The following ADAMTS3 variants were observed in gnomAD, a reference collection of about 807,000 sequenced individuals.
The protein encoded by ADAMTS3 is A disintegrin and metalloproteinase with thrombospondin motifs 3.
Under a neutral mutation model 129.0 loss-of-function variants are expected in ADAMTS3, and 73 were observed. That is an observed-to-expected ratio of 0.57 (90% CI 0.47 to 0.69). The LOEUF is 0.69. Among genes scored for constraint, ADAMTS3 ranks in the 30% least tolerant of loss-of-function variants. The probability of loss-of-function intolerance (pLI) is 0.00; values close to 1 mark genes in which losing one functional copy is unlikely to be tolerated. For missense variants in ADAMTS3, 1,457 were observed against 1,514.5 expected (o/e 0.96, Z 0.63); for synonymous variants, 477 against 510.8 (o/e 0.93, Z 0.89).
chr4:72,427,981 T>A (rs940035368), intron 3 of ADAMTS3, among the ~76,000 whole-genome samples: 1 of 152,034 alleles, frequency 6.6e-6, no homozygotes. Context: ...TTTAAAAAAA[T>A]GAAATTAAGC....
chr4:72,371,298 T>C (rs1578622831), intron 4 of ADAMTS3, among the ~76,000 whole-genome samples: 1 of 151,926 alleles, frequency 6.6e-6, no homozygotes, highest in East Asian at 1.9e-4. Context: ...TGATTATATA[T>C]TTGAATTAAA....
chr4:72,385,693 T>G (rs928744030), intron 4 of ADAMTS3, among the ~76,000 whole-genome samples: 1 of 152,096 alleles, frequency 6.6e-6, no homozygotes, highest in African/African-American at 2.4e-5. Context: ...AAAGTAGGCC[T>G]CAAGGAAAAG....
At chr4:72,396,963 C>G (rs1721741181) in intron 4 of ADAMTS3, among the ~76,000 whole-genome samples, 1 of 152,002 alleles carries the variant, frequency 6.6e-6, no homozygotes, top group Admixed American at 6.6e-5. Flanking sequence ...AAATGTCTGC[C>G]CTGATTCTTA....
At chr4:72,430,551 C>G (rs1208546674) in intron 3 of ADAMTS3, among the ~76,000 whole-genome samples, 3 of 151,984 alleles carry the variant, frequency 2.0e-5, no homozygotes, top group Non-Finnish European at 4.4e-5. Context: ...CCCAGACTTT[C>G]TGAAGCAAAG....
intron 3 of ADAMTS3, among the ~76,000 whole-genome samples, chr4:72,514,613 T>A (rs1309395796): frequency 6.6e-6 from 1 of 152,154 alleles, no homozygotes; most frequent in Non-Finnish European, 1.5e-5. Flanking sequence ...CTGCCTAGAC[T>A]CATCCTGTAG....
chr4:72,536,721 T>C (rs1721193319), intron 3 of ADAMTS3, among the ~76,000 whole-genome samples: 1 of 152,174 alleles, frequency 6.6e-6, no homozygotes, highest in Admixed American at 6.5e-5. Context: ...AAAACAACAC[T>C]GTGATCAATC....
At chr4:72,448,397 T>C (rs1175374927) in intron 3 of ADAMTS3, among the ~76,000 whole-genome samples, 1 of 151,814 alleles carries the variant, frequency 6.6e-6, no homozygotes, top group African/African-American at 2.4e-5. Context: ...TTGCTAATTA[T>C]TTCCAGTGTA....
At position 72,559,470 on chromosome 4, in the gene ADAMTS3, G is replaced by A. The variant is rs754785502; in HGVS notation, c.97+7904C>T. ...AGATACAAACATGAAGATAATACAT[G>A]AAAACAAAACTCTCAAAGAGCTGTC... On this transcript the variant is annotated intron_variant, in intron 2 of 21. Transcript: ENST00000286657. Among the ~76,000 whole-genome samples, 21 of 151,626 alleles carry A rather than the reference G, an allele frequency of 1.4e-4. 1 individual carries two copies. The highest frequency in any genetic ancestry group is 9.8e-4 in the Admixed American group (15 of 15,248).
At position 72,393,285 on chromosome 4, in the gene ADAMTS3, T is replaced by C. The variant is rs539324515; in HGVS notation, c.661+21530A>G. On this transcript the variant is annotated intron_variant, in intron 4 of 21. Transcript: ENST00000286657. ...ATCTCCTTCCTTCATATAATCTCGA[T>C]ATGTTAGATTAGGATTGGAGTCTGC... Among the ~76,000 whole-genome samples, 5 of 152,234 alleles carry C rather than the reference T, an allele frequency of 3.3e-5. 1 individual carries two copies. In the South Asian group the frequency reaches 8.3e-4, roughly 25 times the overall value.
At chr4:72,501,775 T>C (rs1720031684) in intron 3 of ADAMTS3, among the ~76,000 whole-genome samples, 1 of 130,924 alleles carries the variant, frequency 7.6e-6, no homozygotes, top group Non-Finnish European at 1.6e-5. Flanking sequence ...AATTTTGAAG[T>C]ATATTTCTTT....
chr4:72,515,948 T>G (rs62320597), intron 3 of ADAMTS3, among the ~76,000 whole-genome samples: 98,498 of 151,394 alleles, frequency 0.65, 32,634 homozygotes, highest in African/African-American at 0.79. Context: ...TAGGTTTTCT[T>G]CTAGGGTTTT....
intron 4 of ADAMTS3, among the ~76,000 whole-genome samples, chr4:72,350,067 A>C (rs751104847): frequency 4.6e-5 from 7 of 152,050 alleles, no homozygotes; most frequent in Admixed American, 2.0e-4. Flanking sequence ...CCTAGTCCAC[A>C]AATAATATTA....
At chr4:72,327,273 T>A (rs537118304) in intron 5 of ADAMTS3, among the ~76,000 whole-genome samples, 1 of 152,146 alleles carries the variant, frequency 6.6e-6, no homozygotes, top group Admixed American at 6.5e-5. Context: ...TCTGTCAAGA[T>A]GGGCTAAATT....
chr4:72,506,541 G>A (rs1274156378), intron 3 of ADAMTS3, among the ~76,000 whole-genome samples: 1 of 152,170 alleles, frequency 6.6e-6, no homozygotes, highest in Non-Finnish European at 1.5e-5. Flanking sequence ...ACCACAGAAT[G>A]GCTGATTTTA....
intron 3 of ADAMTS3, among the ~76,000 whole-genome samples, chr4:72,456,522 C>G (rs1489003680): frequency 6.7e-6 from 1 of 150,114 alleles, no homozygotes; most frequent in Non-Finnish European, 1.5e-5. Context: ...GATAGTATAA[C>G]CTTCACCAGC....
rs963840920 is a variant in ADAMTS3 at position 72,371,629 on chromosome 4, C to T, written c.662-31936G>A. ...ATTTGCATGCAACTACTTAGCTTTA[C>T]AATATATAAAGCAAAAATTATCAGA... On this transcript the variant is annotated intron_variant, in intron 4 of 21. Coordinates refer to ENST00000286657, the MANE Select transcript of ADAMTS3 (RefSeq NM_014243.3). 4.6e-5 allele frequency among the ~76,000 whole-genome samples: 7 copies of T among 151,864 alleles called. No homozygotes were observed. In the East Asian group the frequency reaches 1.4e-3, roughly 29 times the overall value.
chr4:72,352,909 A>G (rs1284653419), intron 4 of ADAMTS3, among the ~76,000 whole-genome samples: 1 of 152,008 alleles, frequency 6.6e-6, no homozygotes, highest in Non-Finnish European at 1.5e-5. Flanking sequence ...TTACTAAGAG[A>G]GGTTGAAGCA....
rs930750512 is a variant in ADAMTS3, at chr4:72,312,609, C to A, written c.1746-143G>T. 9 of 696,304 alleles carry A rather than the reference C, an allele frequency of 1.3e-5. No homozygotes were observed. The Admixed American group carries it at 1.8e-4, about 14-fold the overall frequency. The allele number at this position is 696,304 out of a possible 1,614,324, so 43.1% of individuals were successfully genotyped here. A position where few individuals can be genotyped will look rare whatever the true frequency, so the allele number is the denominator to read the frequency against. On this transcript the variant is annotated intron_variant, in intron 12 of 21. Transcript: ENST00000286657. Reference sequence around the variant, plus strand: ...TGAACTCATACTTCCTAATTTCAGTCCCTTTCCAAAGCACCCTTCTCTCCC... The same window carrying A: ...TGAACTCATACTTCCTAATTTCAGTACCTTTCCAAAGCACCCTTCTCTCCC...
intron 3 of ADAMTS3, among the ~76,000 whole-genome samples, chr4:72,431,690 C>T (rs999584491): frequency 3.3e-5 from 5 of 151,830 alleles, no homozygotes; most frequent in African/African-American, 9.7e-5. Flanking sequence ...ACTTCTGTTC[C>T]GAAGTGTTTC....
Sources: allele counts gnomAD v4.1 joint callset (sites outside exome capture counted in the v4.1 genomes callset), GRCh38; gene constraint gnomAD v4.1.1; transcripts MANE v1.5; gene names NCBI Gene and HGNC (gene_info 2026-07-23, HGNC 2026-07-21).